Variants in TUBD1 observed in about 807,000 individuals in gnomAD.
TUBD1 encodes tubulin delta chain.
Under a neutral mutation model 51.2 loss-of-function variants are expected in TUBD1, and 38 were observed. The observed-to-expected ratio is 0.74, with a 90% CI of 0.57 to 0.97. The LOEUF (loss-of-function observed/expected upper bound fraction) is 0.97, where lower values mean the gene tolerates loss of function less well. TUBD1 is among the 50% of genes least tolerant of loss of function. TUBD1 has a pLI of 0.00. For missense variants in TUBD1, 489 were observed against 538.4 expected (o/e 0.91, Z 0.91); for synonymous variants, 169 against 178.2 (o/e 0.95, Z 0.41).
intron 6 of TUBD1, among the ~76,000 whole-genome samples, chr17:59,868,283 C>CAAAA (rs11401623): frequency 1.0e-4 from 5 of 49,118 alleles, no homozygotes; most frequent in African/African-American, 2.9e-4. Flanking sequence ...GACTCCATGT[C>CAAAA]AAAAAAAAAA....
intron 5 of TUBD1, among the ~76,000 whole-genome samples, chr17:59,876,799 G>C (rs1186292643): frequency 6.6e-6 from 1 of 151,910 alleles, no homozygotes; most frequent in Non-Finnish European, 1.5e-5. Context: ...GCCAATGCAT[G>C]AATCACTAAT....
intron 3 of TUBD1, 121 bp downstream of exon 3, chr17:59,885,962 T>TC: frequency 8.8e-7 from 1 of 1,134,190 alleles, no homozygotes; most frequent in East Asian, 2.4e-5. Context: ...AAATTCTAAA[T>TC]CTAAAACAGC....
At chr17:59,875,073 C>CT (rs10679203) in intron 5 of TUBD1, among the ~76,000 whole-genome samples, 1,043 of 87,310 alleles carry the variant, frequency 0.012, 24 homozygotes, top group African/African-American at 0.031. Context: ...TTGTTATATT[C>CT]TTTTTTTTTT....
At chr17:59,874,952 T>C (rs1244862365) in intron 5 of TUBD1, among the ~76,000 whole-genome samples, 2 of 152,080 alleles carry the variant, frequency 1.3e-5, no homozygotes, top group Non-Finnish European at 2.9e-5. Flanking sequence ...AAACTACAAT[T>C]TAGAAGCTGA....
chr17:59,867,615 G>A (rs1322929471), intron 6 of TUBD1, among the ~76,000 whole-genome samples: 1 of 152,098 alleles, frequency 6.6e-6, no homozygotes, highest in Non-Finnish European at 1.5e-5. Flanking sequence ...CTAAGCCCAG[G>A]AGGTCGAGGC....
chr17:59,885,612 T>A, intron 3 of TUBD1: 1 of 919,782 alleles, frequency 1.1e-6, no homozygotes, highest in Non-Finnish European at 1.7e-6. Context: ...CCTAGAAATT[T>A]AACCTTAATG....
chr17:59,878,032 C>T, intron 5 of TUBD1, 71 bp downstream of exon 5: 1 of 1,240,818 alleles, frequency 8.1e-7, no homozygotes, highest in Non-Finnish European at 1.1e-6. Flanking sequence ...GAGGAGGAGA[C>T]AGAAAGAATA....
In TUBD1 at chr17:59,878,091, A is replaced by G. The variant is rs771251484; in HGVS notation, c.769+12T>C. 9 of 1,602,764 alleles carry G rather than the reference A, an allele frequency of 5.6e-6. No homozygotes were observed. In the African/African-American group the frequency reaches 9.4e-5, roughly 17 times the overall value. On this transcript the variant is annotated intron_variant, in intron 5 of 8. Transcript: ENST00000325752. ...AGGCTTTCCTATAATTAACGTATAG[A>G]GGGACAAATACCTAGTGGATTTCGT... is the stretch of plus-strand genomic sequence containing the variant.
chr17:59,864,222 T>C (rs1256905437), intron 7 of TUBD1, among the ~76,000 whole-genome samples: 1 of 151,904 alleles, frequency 6.6e-6, no homozygotes, highest in Non-Finnish European at 1.5e-5. Flanking sequence ...GTTGGCTCAC[T>C]GCAACCTCTA....
chr17:59,859,620 C>A lies in TUBD1; in HGVS notation c.*702G>T, dbSNP rs573658917. ...CTGTAGCATTTGACAACATCTCCCTCCTGTGGTTCAAAGCATTCATTTCAA... is the reference window on the plus strand; with the variant it reads ...CTGTAGCATTTGACAACATCTCCCTACTGTGGTTCAAAGCATTCATTTCAA... On this transcript the variant is annotated 3_prime_UTR_variant, in exon 9 of 9. Transcript: ENST00000325752. 6 of 152,720 alleles carry A rather than the reference C, an allele frequency of 3.9e-5. No homozygotes were observed. In the East Asian group the frequency reaches 1.2e-3, roughly 29 times the overall value. The allele number at this position is 152,720 out of a possible 1,614,324, so 9.5% of individuals were successfully genotyped here.
rs749724835 is a variant in TUBD1, at chr17:59,874,649, C to T, written c.824G>A (p.Arg275His). The change falls in exon 6 of 9, where the codon CGT becomes CAT. Residue 275 changes from arginine (R) to histidine (H), a missense_variant. Transcript: ENST00000325752. ...ATTCTCAGACATGTGAGGAATGTTA[C>T]GAACACTCAGCATCTTGAATTCAGG... is the stretch of plus-strand genomic sequence containing the variant. ...PHPEFKMLSVRNIPHMSENSL... is the reference protein window; with the variant it reads ...PHPEFKMLSVHNIPHMSENSL... 2 of 1,613,482 alleles carry T rather than the reference C, an allele frequency of 1.2e-6. No individual in the cohort carries two copies. The highest frequency in any genetic ancestry group is 1.1e-5 in the South Asian group (1 of 90,932).
chr17:59,882,959 AT>A (rs1187220372), intron 3 of TUBD1, among the ~76,000 whole-genome samples: 1 of 125,392 alleles, frequency 8.0e-6, no homozygotes, highest in Non-Finnish European at 1.7e-5. Context: ...TAATTTTTGT[AT>A]TTTTAGTAGA....
At chr17:59,876,362 T>G (rs1038458301) in intron 5 of TUBD1, among the ~76,000 whole-genome samples, 20 of 150,854 alleles carry the variant, frequency 1.3e-4, no homozygotes, top group Admixed American at 6.0e-4. Flanking sequence ...TTTTTTTGTT[T>G]TTTTTTTTTT....
chr17:59,889,853 C>A (rs2040913512), intron 2 of TUBD1, among the ~76,000 whole-genome samples: 3 of 151,264 alleles, frequency 2.0e-5, no homozygotes. Flanking sequence ...ACCTGTAATT[C>A]CAGCTACTTG....
intron 2 of TUBD1, among the ~76,000 whole-genome samples, chr17:59,887,981 C>T (rs2144575989): frequency 6.6e-6 from 1 of 151,438 alleles, no homozygotes; most frequent in Non-Finnish European, 1.5e-5. Flanking sequence ...GTCCCGCAGG[C>T]TGGAGTGCAG....
In TUBD1 at chr17:59,886,257, A is replaced by G. The variant is rs1237648895; in HGVS notation, c.173-27T>C. ...TAGAGGGGGAAAAAAACCCAAAAAC[A>G]TCGAAAGAAAAAAAGATTTATTATG... On this transcript the variant is annotated intron_variant, in intron 2 of 8. Transcript: ENST00000325752. 3.6e-5 allele frequency: 57 copies of G among 1,595,960 alleles called. No homozygotes were observed. In the Admixed American group the frequency reaches 9.4e-4, roughly 26 times the overall value.
chr17:59,872,430 A>C (rs988803347), intron 6 of TUBD1, among the ~76,000 whole-genome samples: 3 of 152,224 alleles, frequency 2.0e-5, no homozygotes, highest in East Asian at 3.9e-4. Flanking sequence ...TTTCAGGATA[A>C]GTTGGTAATA....
At chr17:59,878,482 C>G (rs373695759) in intron 4 of TUBD1, 148 bp from the exon 5 acceptor site, 2 of 569,498 alleles carry the variant, frequency 3.5e-6, no homozygotes, top group East Asian at 2.9e-5. Flanking sequence ...TCTCTATGCT[C>G]AGTTTCCTTT....
At chr17:59,879,763 T>C (rs975650547) in intron 4 of TUBD1, among the ~76,000 whole-genome samples, 5 of 151,696 alleles carry the variant, frequency 3.3e-5, no homozygotes, top group African/African-American at 4.8e-5. Context: ...TTTTTCTTTT[T>C]TTTTTTAAGA....
Sources: allele counts gnomAD v4.1 joint callset (sites outside exome capture counted in the v4.1 genomes callset), GRCh38; gene constraint gnomAD v4.1.1; transcripts MANE v1.5; gene names NCBI Gene and HGNC (gene_info 2026-07-23, HGNC 2026-07-21).